The following SLC25A26 variants were observed in gnomAD, a reference collection of about 807,000 sequenced individuals.
The protein encoded by SLC25A26 is mitochondrial S-adenosylmethionine carrier protein.
In SLC25A26, 36 loss-of-function variants were observed where a neutral mutation model predicts 37.8. The observed-to-expected ratio is 0.95, with a 90% CI of 0.73 to 1.26. The LOEUF (loss-of-function observed/expected upper bound fraction) is 1.26, where lower values mean the gene tolerates loss of function less well. SLC25A26 is among the 50% of genes most tolerant of loss of function. The pLI, the probability that SLC25A26 is intolerant of heterozygous loss-of-function variation, is 0.00. For missense variants in SLC25A26, 390 were observed against 331.1 expected (o/e 1.18, Z -1.38); for synonymous variants, 129 against 122.5 (o/e 1.05, Z -0.35).
intron 6 of SLC25A26, 69 bp downstream of exon 6, chr3:66,346,477 G>GAGTAGAA: frequency 1.3e-6 from 1 of 792,288 alleles, no homozygotes; most frequent in Non-Finnish European, 1.9e-6. Flanking sequence ...GAGTGTGGAA[G>GAGTAGAA]AGTAGAACAT....
intron 2 of SLC25A26, among the ~76,000 whole-genome samples, chr3:66,240,747 C>CTTTT (rs782761312): frequency 3.9e-5 from 5 of 129,148 alleles, no homozygotes; most frequent in East Asian, 2.2e-4. Flanking sequence ...CTTTTCTTTT[C>CTTTT]TTTTTTTTTT....
chr3:66,364,462 C>T (rs1171630415), intron 7 of SLC25A26, among the ~76,000 whole-genome samples: 1 of 152,138 alleles, frequency 6.6e-6, no homozygotes, highest in Admixed American at 6.5e-5. Flanking sequence ...GTGCCCACGG[C>T]TACACATCTA....
At chr3:66,279,865 C>G (rs980738845) in intron 5 of SLC25A26, among the ~76,000 whole-genome samples, 3 of 152,144 alleles carry the variant, frequency 2.0e-5, no homozygotes, top group Non-Finnish European at 1.5e-5. Flanking sequence ...TTCCATACTT[C>G]TGTTTCAGAG....
At chr3:66,355,003 G>T (rs1056950953) in intron 6 of SLC25A26, among the ~76,000 whole-genome samples, 1 of 152,028 alleles carries the variant, frequency 6.6e-6, no homozygotes. Flanking sequence ...CTTCATCAGC[G>T]ATGTGAAAAT....
intron 1 of SLC25A26, among the ~76,000 whole-genome samples, chr3:66,186,136 C>T (rs1348740451): frequency 1.6e-4 from 24 of 152,048 alleles, no homozygotes; most frequent in African/African-American, 4.6e-4. Context: ...TCTGGCCACC[C>T]GATACTTACT....
At chr3:66,141,997 T>C (rs1036925390) in intron 1 of SLC25A26, among the ~76,000 whole-genome samples, 1 of 152,242 alleles carries the variant, frequency 6.6e-6, no homozygotes, top group Non-Finnish European at 1.5e-5. Context: ...AGATGAAACT[T>C]GCATAACACA....
At chr3:66,320,407 G>A (rs1000362143) in intron 5 of SLC25A26, among the ~76,000 whole-genome samples, 3 of 152,102 alleles carry the variant, frequency 2.0e-5, no homozygotes, top group Admixed American at 2.0e-4. Context: ...TGTTTTTAAT[G>A]TTTATCCATG....
At chr3:66,318,079 G>C (rs975195809) in intron 5 of SLC25A26, among the ~76,000 whole-genome samples, 4 of 152,326 alleles carry the variant, frequency 2.6e-5, no homozygotes, top group African/African-American at 9.6e-5. Context: ...GGGATTCCAA[G>C]CCAGTGGATT....
chr3:66,287,438 C>A (rs782720), intron 5 of SLC25A26, among the ~76,000 whole-genome samples: 1 of 151,906 alleles, frequency 6.6e-6, no homozygotes, highest in Non-Finnish European at 1.5e-5. Flanking sequence ...GTATCTTTCA[C>A]TTTTTTTCTG....
intron 1 of SLC25A26, among the ~76,000 whole-genome samples, chr3:66,149,286 C>T (rs1471734845): frequency 6.6e-6 from 1 of 152,130 alleles, no homozygotes; most frequent in Non-Finnish European, 1.5e-5. Flanking sequence ...CTAACTTTTT[C>T]ACCCTGGACA....
intron 1 of SLC25A26, among the ~76,000 whole-genome samples, chr3:66,180,021 T>C (rs2070668203): frequency 7.1e-6 from 1 of 139,892 alleles, no homozygotes; most frequent in South Asian, 2.6e-4. Context: ...AATAGGGAGA[T>C]GCATTGCAAA....
At chr3:66,254,683 T>C (rs2073231753) in intron 3 of SLC25A26, among the ~76,000 whole-genome samples, 4 of 152,264 alleles carry the variant, frequency 2.6e-5, no homozygotes, top group African/African-American at 9.6e-5. Flanking sequence ...CACTTGGGTT[T>C]CACCCATGCT....
Position 66,344,152 on chromosome 3 carries a change from A to C in SLC25A26, c.454-2212A>C, listed in dbSNP as rs1489182051. Among the ~76,000 whole-genome samples the C allele has an allele frequency of 3.3e-5, 5 of 152,286 alleles. No homozygotes were observed. The East Asian group carries it at 9.6e-4, about 29-fold the overall frequency. ...CAAACTTGGGGCCATCATTTGCTGT[A>C]GCTGAGTAAGACAGATGATGCTAAT... is the stretch of plus-strand genomic sequence containing the variant. On this transcript the variant is annotated intron_variant, in intron 5 of 9. Coordinates refer to ENST00000354883, the MANE Select transcript of SLC25A26 (RefSeq NM_001379210.1).
At chr3:66,230,128 G>A (rs142499544) in intron 1 of SLC25A26, among the ~76,000 whole-genome samples, 151,775 of 152,334 alleles carry the variant, frequency 1, 75,612 homozygotes, top group Middle Eastern at 1. Context: ...ATCATCCCAC[G>A]TTTCTATTTT....
At chr3:66,263,442 A>C in intron 5 of SLC25A26, 63 bp downstream of exon 5, 1 of 992,016 alleles carries the variant, frequency 1.0e-6, no homozygotes, top group South Asian at 1.4e-5. Context: ...CAGTAAATTT[A>C]TACTACTTAA....
At position 66,311,048 on chromosome 3, in the gene SLC25A26, G is replaced by A. The variant is rs146995570; in HGVS notation, c.454-35316G>A. 5.3e-5 allele frequency among the ~76,000 whole-genome samples: 8 copies of A among 152,214 alleles called. No homozygotes were observed. In the East Asian group the frequency reaches 1.2e-3, roughly 22 times the overall value. ...TTTGAATGTTGGCCTTTCTTGCTAG[G>A]TTGGAGAAGTTCTCCTGGGTAATAT... On this transcript the variant is annotated intron_variant, in intron 5 of 9. Transcript: ENST00000354883.
intron 1 of SLC25A26, among the ~76,000 whole-genome samples, chr3:66,171,204 C>T (rs901700243): frequency 1.3e-5 from 2 of 152,200 alleles, no homozygotes; most frequent in Non-Finnish European, 2.9e-5. Context: ...GAATATTTTA[C>T]ATTTGTGGAC....
intron 1 of SLC25A26, 113 bp downstream of exon 1, chr3:66,221,240 G>T (rs782701036): frequency 8.5e-7 from 1 of 1,180,698 alleles, no homozygotes; most frequent in Non-Finnish European, 1.1e-6. Flanking sequence ...ACTGTCCTCG[G>T]GTTACTGGCA....
chr3:66,192,052 C>A (rs1385333603), intron 1 of SLC25A26, among the ~76,000 whole-genome samples: 1 of 152,050 alleles, frequency 6.6e-6, no homozygotes, highest in Non-Finnish European at 1.5e-5. Context: ...TGCAATGGCT[C>A]ACGCCTGTAA....
Sources: allele counts gnomAD v4.1 joint callset (sites outside exome capture counted in the v4.1 genomes callset), GRCh38; gene constraint gnomAD v4.1.1; transcripts MANE v1.5; gene names NCBI Gene and HGNC (gene_info 2026-07-23, HGNC 2026-07-21).